The following WNT2 variants were observed in gnomAD, a reference collection of about 807,000 sequenced individuals.
The protein encoded by WNT2 is protein Wnt-2.
WNT2 carries 12 observed loss-of-function variants against 36.9 expected under a neutral mutation model. The observed-to-expected ratio is 0.33, with a 90% CI of 0.21 to 0.53. The LOEUF (loss-of-function observed/expected upper bound fraction) is 0.53, where lower values mean the gene tolerates loss of function less well. Ranked by LOEUF, WNT2 falls within the 20% of genes least tolerant of loss-of-function variation. WNT2 has a pLI of 0.95. For missense variants in WNT2, 379 were observed against 473.1 expected, an observed-to-expected ratio of 0.80 and a Z score of 1.84; for synonymous variants, 163 against 174.6, an observed-to-expected ratio of 0.93 and a Z score of 0.52.
intron 4 of WNT2, among the ~76,000 whole-genome samples, chr7:117,290,751 A>C (rs1364266301): frequency 3.3e-5 from 5 of 152,208 alleles, no homozygotes; most frequent in African/African-American, 1.2e-4. Flanking sequence ...GTGCCTGGCT[A>C]CTGCTTCAAG....
chr7:117,278,356 G>GCA lies in WNT2; in HGVS notation c.880_881dup (p.Asn295AlafsTer3). On this transcript the variant is annotated frameshift_variant, in exon 5 of 5. Transcript: ENST00000265441. LOFTEE classifies it high-confidence loss of function. ...TGTCCATGCCCCGGGAAGTCAGGTT[G>GCA]CACACACGGCCTGCTGTACCCAGGG... 1 of 1,613,976 alleles carries GCA rather than the reference G, an allele frequency of 6.2e-7. No homozygotes were observed. The highest frequency in any genetic ancestry group is 8.5e-7 in the Non-Finnish European group (1 of 1,179,960).
Position 117,277,996 on chromosome 7 carries a change from C to G in WNT2, c.*159G>C. 1.3e-6 allele frequency: 1 copy of G among 743,498 alleles called. No homozygotes were observed. Among genetic ancestry groups the G allele is most frequent in the Non-Finnish European group, 2.2e-6 (1 of 457,670 alleles). 46.1% of individuals were successfully genotyped at this position (743,498 alleles called of 1,614,324 possible). On this transcript the variant is annotated 3_prime_UTR_variant, in exon 5 of 5. Transcript: ENST00000265441. The stretch of plus-strand genomic sequence containing the variant: ...GCTTTAGGTGCAGCGTGTGGCCCCC[C>G]CATCCTGGGGCCCCCAGGGAGGAAG...
Position 117,322,890 on chromosome 7 carries a change from C to T in WNT2, c.83+17G>A, listed in dbSNP as rs1480848655. The T allele has an allele frequency of 1.9e-6, 3 of 1,613,280 alleles. No homozygotes were observed. Among genetic ancestry groups the T allele is most frequent in the Non-Finnish European group, 2.5e-6 (3 of 1,179,742 alleles). The stretch of plus-strand genomic sequence containing the variant: ...TCCGATCTCCAAAATCCCCCGCGCC[C>T]GTGCGCGTGGACTTACCACCATGAA... On this transcript the variant is annotated intron_variant, in intron 1 of 4. Coordinates refer to ENST00000265441, the MANE Select transcript of WNT2 (RefSeq NM_003391.3). This position sits in a 1 kb window ranked among gnomAD's most constrained non-coding sequence, Gnocchi z 5.4.
At chr7:117,283,506 A>T (rs1327575393) in intron 4 of WNT2, among the ~76,000 whole-genome samples, 1 of 152,156 alleles carries the variant, frequency 6.6e-6, no homozygotes, top group Non-Finnish European at 1.5e-5. Context: ...CTGAAATCTA[A>T]CTTGGTAGTC....
In WNT2 at chr7:117,300,518, G is replaced by A. The variant is rs1221753279; in HGVS notation, c.589-2642C>T. 3.3e-5 allele frequency among the ~76,000 whole-genome samples: 5 copies of A among 152,268 alleles called. No homozygotes were observed. The East Asian group carries it at 5.9e-4, about 18-fold the overall frequency. On this transcript the variant is annotated intron_variant, in intron 3 of 4. Coordinates refer to ENST00000265441, the MANE Select transcript of WNT2 (RefSeq NM_003391.3). ...TCACTCTTTAAAAGAGACACGTGAG[G>A]TGGGGGCACGGTGGCTTATGCCTGT... is the stretch of plus-strand genomic sequence containing the variant.
chr7:117,297,647 T>A lies in WNT2; in HGVS notation c.818A>T (p.Asn273Ile), dbSNP rs765000059. Residue 273 changes from asparagine to isoleucine, a missense_variant, in exon 4 of 5, where the codon AAT becomes ATT. Physicochemically the swap from Asn to Ile is moderately radical, Grantham distance 149 (BLOSUM62 -3). Transcript: ENST00000265441. ...PTKNDLVYFE[N>I]SPDYCIRDRE... ...GTCCCTGATACAGTAGTCTGGAGAA[T>A]TCTCAAAATACACGAGGTCATTTTT... is the stretch of plus-strand genomic sequence containing the variant. 1 of 1,613,962 alleles carries A rather than the reference T, an allele frequency of 6.2e-7. No homozygotes were observed. The highest frequency in any genetic ancestry group is 8.5e-7 in the Non-Finnish European group (1 of 1,179,800).
intron 3 of WNT2, among the ~76,000 whole-genome samples, chr7:117,299,255 G>T (rs1204921876): frequency 6.6e-6 from 1 of 152,132 alleles, no homozygotes; most frequent in Non-Finnish European, 1.5e-5. Flanking sequence ...CCCTGGGAGT[G>T]CCATCTGGGC....
At chr7:117,318,698 C>T (rs1473001115) in intron 2 of WNT2, among the ~76,000 whole-genome samples, 1 of 152,134 alleles carries the variant, frequency 6.6e-6, no homozygotes, top group Admixed American at 6.5e-5. Flanking sequence ...CCACCACACC[C>T]ATGGGGTTTC....
chr7:117,295,128 A>G (rs1028138344), intron 4 of WNT2, among the ~76,000 whole-genome samples: 2 of 148,884 alleles, frequency 1.3e-5, no homozygotes, highest in Non-Finnish European at 3.0e-5. Context: ...ACGAGACGAG[A>G]CGAGATGAGA....
Position 117,284,392 on chromosome 7 carries a change from C to T in WNT2, c.854-6008G>A, listed in dbSNP as rs1057158148. On this transcript the variant is annotated intron_variant, in intron 4 of 4. Transcript: ENST00000265441. This position sits in a 1 kb window ranked among gnomAD's most constrained non-coding sequence, Gnocchi z 5.2. ...TGTGTGTTTTAATGAAAAGGAGCCA[C>T]TGACTTTTACCAACTGCCTATTTGT... is the stretch of plus-strand genomic sequence containing the variant. Among the ~76,000 whole-genome samples, 1 of 152,186 alleles carries T rather than the reference C, an allele frequency of 6.6e-6. No individual in the cohort carries two copies. The highest frequency in any genetic ancestry group is 1.5e-5 in the Non-Finnish European group (1 of 68,028).
Position 117,278,235 on chromosome 7 carries a change from G to A in WNT2, c.1003C>T (p.Arg335Cys), listed in dbSNP as rs756788881. ...AGAGCTTCCAGGCAGTCCTGACAGC[G>A]CACGGCGCAGCACCAGTGGAACTTA... ...GCKFHWCCAV[R>C]CQDCLEALDV... Residue 335 changes from arginine (R) to cysteine (C), a missense_variant, in exon 5 of 5, where the codon CGC becomes TGC. Transcript: ENST00000265441. The A allele has an allele frequency of 6.8e-6, 11 of 1,614,118 alleles. No homozygotes were observed. Among genetic ancestry groups the A allele is most frequent in the South Asian group, 1.1e-5 (1 of 91,090 alleles).
intron 4 of WNT2, among the ~76,000 whole-genome samples, chr7:117,296,651 A>G (rs1337982797): frequency 6.6e-6 from 1 of 152,202 alleles, no homozygotes; most frequent in Non-Finnish European, 1.5e-5. Flanking sequence ...TTTACAAAGA[A>G]TGAGCTAAAC....
chr7:117,285,924 C>T (rs1794570384), intron 4 of WNT2, among the ~76,000 whole-genome samples: 1 of 152,198 alleles, frequency 6.6e-6, no homozygotes, highest in Non-Finnish European at 1.5e-5. Context: ...AGGTTGCAGA[C>T]TCGAAACTTC....
intron 4 of WNT2, among the ~76,000 whole-genome samples, chr7:117,294,054 T>C (rs1794741749): frequency 1.3e-5 from 2 of 152,152 alleles, no homozygotes; most frequent in South Asian, 4.1e-4. Flanking sequence ...GGATAAAACC[T>C]CAACTTTATT....
intron 3 of WNT2, among the ~76,000 whole-genome samples, chr7:117,302,414 G>A (rs1361671063): frequency 1.3e-5 from 2 of 152,174 alleles, no homozygotes; most frequent in African/African-American, 4.8e-5. Context: ...TAAAAAGACT[G>A]ATAATGTTTG....
intron 3 of WNT2, among the ~76,000 whole-genome samples, chr7:117,298,508 T>C (rs1053043020): frequency 6.6e-6 from 1 of 152,154 alleles, no homozygotes; most frequent in African/African-American, 2.4e-5. Flanking sequence ...TGACAGTAAC[T>C]TGGGGAGATT....
intron 4 of WNT2, among the ~76,000 whole-genome samples, chr7:117,294,920 G>A (rs958038272): frequency 5.3e-5 from 8 of 151,976 alleles, no homozygotes; most frequent in African/African-American, 9.7e-5. Context: ...GTGAAACCCC[G>A]TCTCTACTAA....
intron 3 of WNT2, among the ~76,000 whole-genome samples, chr7:117,312,426 T>A (rs2116382538): frequency 6.6e-6 from 1 of 152,330 alleles, no homozygotes; most frequent in Middle Eastern, 3.4e-3. Flanking sequence ...AAAAGGTGCT[T>A]GTTTGCAAGC....
chr7:117,300,971 T>TTGAGCTGCTCGA (rs1794893658), intron 3 of WNT2: 2 of 152,224 alleles, frequency 1.3e-5, no homozygotes, highest in African/African-American at 4.8e-5. Flanking sequence ...GGGGATGCTG[T>TTGAGCTGCTCGA]TGAGCTGCTC....
Sources: gnomAD v4.1 joint callset for allele counts (sites outside exome capture counted in the v4.1 genomes callset) on GRCh38, gnomAD v4.1.1 for gene constraint, Gnocchi (gnomAD v3.1) non-coding constraint, MANE v1.5 for transcripts, NCBI Gene and HGNC (gene_info 2026-07-23, HGNC 2026-07-21) for gene names.